STOX2: variants seen among roughly 807,000 people sequenced by gnomAD.
The protein encoded by STOX2 is storkhead box 2.
A neutral mutation model predicts 60.9 loss-of-function variants in STOX2; 28 were observed. The ratio of observed to expected loss-of-function variants is 0.46; its 90% CI spans 0.34 to 0.63. The LOEUF (loss-of-function observed/expected upper bound fraction) is 0.63. STOX2 is among the 30% of genes least tolerant of loss of function. The pLI is 0.01. For synonymous variants in STOX2, 472 were observed against 463.9 expected (o/e 1.02, Z -0.22); for missense variants, 1,024 against 1,187.7 (o/e 0.86, Z 2.03).
At position 183,861,696 on chromosome 4, in the gene STOX2, A is replaced by G. The variant is rs1740451152; in HGVS notation, c.364+63641A>G. Among the ~76,000 whole-genome samples, 4 of 152,330 alleles carry G rather than the reference A, an allele frequency of 2.6e-5. No individual in the cohort carries two copies. In the South Asian group the frequency reaches 6.2e-4, roughly 24 times the overall value. Reference sequence around the variant, plus strand: ...CCGGTAGGGATGTTTGGAAGACACAATGCGACAATATATGTAAAGTGCCTC... The same window carrying G: ...CCGGTAGGGATGTTTGGAAGACACAGTGCGACAATATATGTAAAGTGCCTC... On this transcript the variant is annotated intron_variant, in intron 1 of 2. Coordinates refer to the STOX2 transcript ENST00000513034.
At chr4:183,991,609 C>T (rs1369316723) in intron 1 of STOX2, among the ~76,000 whole-genome samples, 1 of 151,854 alleles carries the variant, frequency 6.6e-6, no homozygotes, top group Non-Finnish European at 1.5e-5. Flanking sequence ...TTGTGTTTTT[C>T]GTAGTGATGG....
chr4:183,849,952 CTTTTCT>C, intron 1 of STOX2, among the ~76,000 whole-genome samples: 1 of 151,368 alleles, frequency 6.6e-6, no homozygotes, highest in Non-Finnish European at 1.5e-5. Context: ...TTTCTTTTTT[CTTTTCT>C]TTTTCTTTCT....
chr4:183,875,536 C>A (rs57414336), intron 1 of STOX2, among the ~76,000 whole-genome samples: 1 of 152,090 alleles, frequency 6.6e-6, no homozygotes, highest in Non-Finnish European at 1.5e-5. Context: ...TGTGGGAGCC[C>A]GAGGCCTGGT....
At chr4:183,902,065 C>T (rs1741474584), upstream of STOX2, among the ~76,000 whole-genome samples, 1 of 152,184 alleles carries the variant, frequency 6.6e-6, no homozygotes, top group African/African-American at 2.4e-5. Flanking sequence ...TTCCCCAGTA[C>T]TCTATTGGGC....
At position 183,906,548 on chromosome 4, in the gene STOX2, G is replaced by A. The variant is rs1278986393; in HGVS notation, c.-243G>A. On this transcript the variant is annotated 5_prime_UTR_variant, in exon 1 of 4. Coordinates refer to ENST00000308497, the MANE Select transcript of STOX2 (RefSeq NM_020225.3). ...GGAATCTGGAAGCTATAAGCCGGGC[G>A]GATTGCAAATGAAGTGTAATGCATT... 1.1e-5 allele frequency: 4 copies of A among 359,290 alleles called. No homozygotes were observed. Among genetic ancestry groups the A allele is most frequent in the Non-Finnish European group, 2.0e-5 (4 of 201,572 alleles). 22.3% of individuals were successfully genotyped at this position (359,290 alleles called of 1,614,324 possible). A position where few individuals can be genotyped will look rare whatever the true frequency, so the allele number is the denominator to read the frequency against.
At chr4:184,003,288 C>G (rs1276336417) in intron 2 of STOX2, among the ~76,000 whole-genome samples, 2 of 152,132 alleles carry the variant, frequency 1.3e-5, no homozygotes, top group African/African-American at 2.4e-5. Flanking sequence ...TTTTTGGGCT[C>G]TAAAATAAAT....
At chr4:183,822,443 T>G (rs1421137517) in intron 1 of STOX2, among the ~76,000 whole-genome samples, 6 of 152,220 alleles carry the variant, frequency 3.9e-5, no homozygotes, top group African/African-American at 1.2e-4. Context: ...AATTATACAC[T>G]CACCATCATG....
chr4:183,928,597 T>C (rs142421801), intron 1 of STOX2, among the ~76,000 whole-genome samples: 28 of 152,284 alleles, frequency 1.8e-4, no homozygotes, highest in Non-Finnish European at 3.7e-4. Flanking sequence ...TTTAATCCCA[T>C]GTCCTGTGAG....
At chr4:183,809,468 G>A (rs1289754651) in intron 1 of STOX2, among the ~76,000 whole-genome samples, 4 of 152,064 alleles carry the variant, frequency 2.6e-5, no homozygotes, top group South Asian at 2.1e-4. Context: ...GCTCGATCTC[G>A]GCTAACTGCA....
In STOX2 at chr4:183,871,788, C is replaced by A. The variant is rs572263273; in HGVS notation, c.364+73733C>A. 2.2e-3 allele frequency among the ~76,000 whole-genome samples: 332 copies of A among 151,968 alleles called. 1 individual carries two copies. Among genetic ancestry groups the A allele is most frequent in the Non-Finnish European group, 3.6e-3 (242 of 67,978 alleles). On this transcript the variant is annotated intron_variant, in intron 1 of 2. Transcript: ENST00000513034. The stretch of plus-strand genomic sequence containing the variant: ...ATGAATTCCTTATGTAATAAGTGAT[C>A]GTTTGGAAAATTTCTCTGACAGACC...
chr4:183,909,890 C>G (rs890333858), intron 1 of STOX2, among the ~76,000 whole-genome samples: 4 of 152,244 alleles, frequency 2.6e-5, no homozygotes, highest in Non-Finnish European at 4.4e-5. Flanking sequence ...ATAAACTACA[C>G]TTAAGCTCAA....
chr4:183,802,883 A>G (rs11734365), intron 1 of STOX2, among the ~76,000 whole-genome samples: 148 of 152,282 alleles, frequency 9.7e-4, no homozygotes, highest in Non-Finnish European at 1.7e-3. Flanking sequence ...GGCCTTCCAA[A>G]GTGCTGGGGT....
intron 1 of STOX2, among the ~76,000 whole-genome samples, chr4:183,951,076 C>A (rs1020274017): frequency 1.2e-4 from 18 of 151,844 alleles, no homozygotes; most frequent in African/African-American, 3.4e-4. Context: ...ATTAGCCGGG[C>A]GTGGTGGCGG....
At chr4:183,814,917 T>C (rs775652082) in intron 1 of STOX2, among the ~76,000 whole-genome samples, 4 of 152,334 alleles carry the variant, frequency 2.6e-5, no homozygotes, top group African/African-American at 4.8e-5. Context: ...GATGTTACTT[T>C]GAGTATAAAG....
chr4:183,868,950 T>C (rs1418759093), intron 1 of STOX2, among the ~76,000 whole-genome samples: 2 of 152,244 alleles, frequency 1.3e-5, no homozygotes, highest in South Asian at 2.1e-4. Context: ...TGAACCTTTT[T>C]GGTTTATTTG....
chr4:183,808,830 T>C (rs930498684), intron 1 of STOX2, among the ~76,000 whole-genome samples: 2 of 152,154 alleles, frequency 1.3e-5, no homozygotes, highest in Non-Finnish European at 2.9e-5. Flanking sequence ...CTGGGCCACA[T>C]AGGAAGAAGA....
At chr4:183,868,870 A>G (rs1209748308) in intron 1 of STOX2, among the ~76,000 whole-genome samples, 1 of 152,196 alleles carries the variant, frequency 6.6e-6, no homozygotes, top group Admixed American at 6.5e-5. Context: ...AAAAAAGAAA[A>G]AGGGTAAGTC....
intron 1 of STOX2, among the ~76,000 whole-genome samples, chr4:183,929,320 T>C (rs1742342625): frequency 6.6e-6 from 1 of 152,202 alleles, no homozygotes; most frequent in African/African-American, 2.4e-5. Context: ...GATTTTGTGG[T>C]GGTATTGGCC....
chr4:183,854,123 T>C (rs974602279), intron 1 of STOX2, among the ~76,000 whole-genome samples: 1 of 152,254 alleles, frequency 6.6e-6, no homozygotes, highest in Non-Finnish European at 1.5e-5. Flanking sequence ...TTTCAGATTG[T>C]TCTTATGTGA....
Sources: gnomAD v4.1 joint callset for allele counts (sites outside exome capture counted in the v4.1 genomes callset) on GRCh38, gnomAD v4.1.1 for gene constraint, MANE v1.5 for transcripts, NCBI Gene and HGNC (gene_info 2026-07-23, HGNC 2026-07-21) for gene names.